The following PIK3CD variants were observed in gnomAD, a reference collection of about 807,000 sequenced individuals.
PIK3CD encodes the protein phosphatidylinositol-4,5-bisphosphate 3-kinase catalytic subunit delta, also known as phosphatidylinositol 4,5-bisphosphate 3-kinase catalytic subunit delta isoform.
A neutral mutation model predicts 122.9 loss-of-function variants in PIK3CD; 20 were observed. That is an observed-to-expected ratio of 0.16 (90% CI 0.11 to 0.24). The LOEUF (loss-of-function observed/expected upper bound fraction) is 0.24, where lower values mean the gene tolerates loss of function less well. Among genes scored for constraint, PIK3CD ranks in the 10% least tolerant of loss-of-function variants. The pLI is 1.00. For synonymous variants in PIK3CD, 596 were observed against 593.4 expected (o/e 1.00, Z -0.06); for missense variants, 787 against 1,406.3 (o/e 0.56, Z 7.04).
chr1:9,653,903 G>A (rs375579975), intron 1 of PIK3CD: 1 of 1,367,176 alleles, frequency 7.3e-7, no homozygotes, highest in Middle Eastern at 2.3e-4. Flanking sequence ...GGCTGGAGGA[G>A]TGCTCTTAAA....
At position 9,726,890 on chromosome 1, in the gene PIK3CD, C is replaced by A. The variant is rs766219239; in HGVS notation, c.2998-19C>A. On this transcript the variant is annotated intron_variant, in intron 23 of 23. Coordinates refer to ENST00000377346, the MANE Select transcript of PIK3CD (RefSeq NM_005026.5). ...GTCCGGGCCCCCTTAACGTGGACACCGCTGTGATTTGTTTGCAGGACTCCC... is the reference window on the plus strand; with the variant it reads ...GTCCGGGCCCCCTTAACGTGGACACAGCTGTGATTTGTTTGCAGGACTCCC... The A allele has an allele frequency of 1.2e-5, 20 of 1,613,668 alleles. No homozygotes were observed. The highest frequency in any genetic ancestry group is 1.6e-5 in the Non-Finnish European group (19 of 1,179,798).
At chr1:9,681,825 G>C (rs1420518426) in intron 1 of PIK3CD, among the ~76,000 whole-genome samples, 1 of 152,178 alleles carries the variant, frequency 6.6e-6, no homozygotes, top group Admixed American at 6.6e-5. Flanking sequence ...ATCTCAGGAC[G>C]GAAGTAACTG....
intron 2 of PIK3CD, among the ~76,000 whole-genome samples, chr1:9,698,013 A>G (rs1367865555): frequency 6.6e-6 from 1 of 152,170 alleles, no homozygotes; most frequent in Non-Finnish European, 1.5e-5. Context: ...CCTGGGAAAC[A>G]CAGCCAGACC....
chr1:9,645,111 C>T, the PIK3CD span, among the ~76,000 whole-genome samples: 3 of 150,810 alleles, frequency 2.0e-5, no homozygotes, highest in Non-Finnish European at 3.0e-5. Context: ...CTGCCACCTC[C>T]GCCTCCTGGG....
the PIK3CD span, among the ~76,000 whole-genome samples, chr1:9,641,147 G>C: frequency 6.6e-6 from 1 of 152,154 alleles, no homozygotes; most frequent in Non-Finnish European, 1.5e-5. Flanking sequence ...GGTTGCGGGG[G>C]CGGCAGGCCT....
Position 9,718,778 on chromosome 1 carries a change from C to T in PIK3CD, c.1105C>T (p.Pro369Ser). Residue 369 changes from proline (P) to serine (S), a missense_variant, in exon 9 of 24, where the codon CCC becomes TCC. Pro to Ser is a moderately conservative substitution (Grantham distance 74, BLOSUM62 -1). Coordinates refer to ENST00000377346, the MANE Select transcript of PIK3CD (RefSeq NM_005026.5). This position sits in a 1 kb window ranked among gnomAD's most constrained non-coding sequence, Gnocchi z 7.2. ...CTCGGAGGTGAGCGTGTGCTCGGAG[C>T]CCGTGTGGAAGCAGCGGCTGGAGTT... ...SSSEVSVCSE[P>S]VWKQRLEFDI... 1 of 1,611,216 alleles carries T rather than the reference C, an allele frequency of 6.2e-7. No homozygotes were observed.
At position 9,715,451 on chromosome 1, in the gene PIK3CD, G is replaced by A. The variant is rs151207367; in HGVS notation, c.142-90G>A. 6.2e-4 allele frequency: 718 copies of A among 1,153,322 alleles called. 2 individuals carry two copies. The African/African-American group carries it at 7.5e-3, about 12-fold the overall frequency. The allele number at this position is 1,153,322 out of a possible 1,614,324, so 71.4% of individuals were successfully genotyped here. A position where few individuals can be genotyped will look rare whatever the true frequency, so the allele number is the denominator to read the frequency against. Reference sequence around the variant, plus strand: ...GCCCTCTGGGAGGTTTGGACCCCCAGGCTGGAGGCCAGCTCTCCACCCTCC... The same window carrying A: ...GCCCTCTGGGAGGTTTGGACCCCCAAGCTGGAGGCCAGCTCTCCACCCTCC... On this transcript the variant is annotated intron_variant, in intron 3 of 23. Coordinates refer to ENST00000377346, the MANE Select transcript of PIK3CD (RefSeq NM_005026.5). This position sits in a 1 kb window ranked among gnomAD's most constrained non-coding sequence, Gnocchi z 4.1.
chr1:9,630,739 T>TGTGTGTGTGTGCGCGCGC, the PIK3CD span, among the ~76,000 whole-genome samples: 5 of 150,850 alleles, frequency 3.3e-5, no homozygotes, highest in Admixed American at 2.0e-4. Context: ...TGTGTGTGTG[T>TGTGTGTGTGTGCGCGCGC]GCAGAAGAGG....
chr1:9,629,643 A>C, the PIK3CD span, among the ~76,000 whole-genome samples: 1 of 152,106 alleles, frequency 6.6e-6, no homozygotes, highest in Non-Finnish European at 1.5e-5. Flanking sequence ...TCATGGTCTC[A>C]ACCTTGGGGA....
chr1:9,655,774 T>C (rs1644838342), intron 1 of PIK3CD, among the ~76,000 whole-genome samples: 1 of 143,128 alleles, frequency 7.0e-6, no homozygotes, highest in Admixed American at 7.2e-5. Flanking sequence ...CTCGGCCCAC[T>C]GCAACCTCTG....
At chr1:9,676,844 G>A (rs541368416) in intron 1 of PIK3CD, among the ~76,000 whole-genome samples, 2 of 152,206 alleles carry the variant, frequency 1.3e-5, no homozygotes, top group South Asian at 4.1e-4. Context: ...AGATGAGCCT[G>A]TTGAAAGATG....
chr1:9,675,340 T>G (rs943114580), intron 1 of PIK3CD, among the ~76,000 whole-genome samples: 14 of 138,356 alleles, frequency 1.0e-4, no homozygotes, highest in Admixed American at 5.5e-4. Flanking sequence ...GAGCCGAGAT[T>G]GCGCCACTGC....
In PIK3CD at chr1:9,689,390, G is replaced by T. The variant is rs1377419697; in HGVS notation, c.-137-2077G>T. Reference sequence around the variant, plus strand: ...ACTCCTCTCTCCGCCGCCCGTGTGAGCTCGGGCGCTTCTCCCGGCTGGGGG... The same window carrying T: ...ACTCCTCTCTCCGCCGCCCGTGTGATCTCGGGCGCTTCTCCCGGCTGGGGG... On this transcript the variant is annotated intron_variant, in intron 1 of 23. Coordinates refer to ENST00000377346, the MANE Select transcript of PIK3CD (RefSeq NM_005026.5). The surrounding 1 kb of genome is among the most constrained non-coding windows in gnomAD (Gnocchi z 6.1). Among the ~76,000 whole-genome samples, 1 of 151,948 alleles carries T rather than the reference G, an allele frequency of 6.6e-6. No individual in the cohort carries two copies. Among genetic ancestry groups the T allele is most frequent in the East Asian group, 1.9e-4 (1 of 5,136 alleles).
the PIK3CD span, among the ~76,000 whole-genome samples, chr1:9,632,147 G>A: frequency 6.6e-6 from 1 of 152,174 alleles, no homozygotes; most frequent in African/African-American, 2.4e-5. Context: ...TGAGTAGCTA[G>A]GATTACAGGC....
the PIK3CD span, among the ~76,000 whole-genome samples, chr1:9,631,402 C>A: frequency 1.3e-5 from 2 of 152,240 alleles, no homozygotes; most frequent in Admixed American, 1.3e-4. Flanking sequence ...TGCCAGTAAT[C>A]CCAGCATTTT....
chr1:9,725,174 C>T (rs1201163856), intron 23 of PIK3CD, among the ~76,000 whole-genome samples: 1 of 152,228 alleles, frequency 6.6e-6, no homozygotes, highest in East Asian at 1.9e-4. Flanking sequence ...GTGACCTCTC[C>T]TGGTTGGGGT....
chr1:9,636,340 C>T, the PIK3CD span, among the ~76,000 whole-genome samples: 1 of 152,136 alleles, frequency 6.6e-6, no homozygotes, highest in African/African-American at 2.4e-5. Flanking sequence ...ATTACAGGTG[C>T]CCACTACCAT....
intron 3 of PIK3CD, among the ~76,000 whole-genome samples, chr1:9,712,163 G>C (rs961430423): frequency 1.7e-4 from 26 of 152,334 alleles, no homozygotes; most frequent in African/African-American, 6.3e-4. Context: ...ACAATATTTG[G>C]TGGATATTGT....
At chr1:9,644,828 G>A in the PIK3CD span, among the ~76,000 whole-genome samples, 3 of 151,986 alleles carry the variant, frequency 2.0e-5, no homozygotes, top group Admixed American at 2.0e-4. Flanking sequence ...GGGGCCTTCC[G>A]CTCCTTTCTC....
Sources: gnomAD v4.1 joint callset for allele counts (sites outside exome capture counted in the v4.1 genomes callset) on GRCh38, gnomAD v4.1.1 for gene constraint, Gnocchi (gnomAD v3.1) non-coding constraint, MANE v1.5 for transcripts, NCBI Gene and HGNC (gene_info 2026-07-23, HGNC 2026-07-21) for gene names.